Variants in MIA2 observed in about 807,000 individuals in gnomAD.
MIA2 encodes the protein MIA SH3 domain ER export factor 2, also known as melanoma inhibitory activity protein 2.
A neutral mutation model predicts 167.8 loss-of-function variants in MIA2; 127 were observed. That is an observed-to-expected ratio of 0.76 (90% CI 0.66 to 0.88). MIA2 has a LOEUF of 0.88. MIA2 is among the 40% of genes least tolerant of loss of function. The pLI, the probability that MIA2 is intolerant of heterozygous loss-of-function variation, is 0.00. For missense variants in MIA2, 1,690 were observed against 1,624.7 expected, an observed-to-expected ratio of 1.04 and a Z score of -0.69; for synonymous variants, 552 against 541.9, an observed-to-expected ratio of 1.02 and a Z score of -0.26.
Position 39,241,141 on chromosome 14 carries a change from G to A in MIA2, c.336+494G>A, listed in dbSNP as rs545680953. Among the ~76,000 whole-genome samples the A allele has an allele frequency of 2.6e-4, 40 of 152,204 alleles. 2 individuals carry two copies. Among genetic ancestry groups the A allele is most frequent in the African/African-American group, 9.6e-4 (40 of 41,534 alleles). ...AAGATAAAAGTTTATTTTCCACCAC[G>A]CTCCTTAGTCTCATATCTGTACATC... On this transcript the variant is annotated intron_variant, in intron 3 of 28. Transcript: ENST00000640607.
intron 7 of MIA2, 133 bp downstream of exon 7, chr14:39,277,198 G>GT (rs2058125361): frequency 1.7e-6 from 2 of 1,208,784 alleles, no homozygotes; most frequent in Non-Finnish European, 2.2e-6. Context: ...TTTGTTTTTT[G>GT]TTTTTTGTTT....
chr14:39,281,684 C>T (rs116352745), intron 9 of MIA2, among the ~76,000 whole-genome samples: 3,070 of 149,578 alleles, frequency 0.021, 104 homozygotes, highest in African/African-American at 0.067. Flanking sequence ...TGCAGTAGCG[C>T]GACCTCGGCT....
intron 18 of MIA2, among the ~76,000 whole-genome samples, chr14:39,311,093 A>G (rs965229400): frequency 6.6e-6 from 1 of 152,138 alleles, no homozygotes; most frequent in African/African-American, 2.4e-5. Context: ...AAGAAAAGGT[A>G]TTTTCTTTAG....
At chr14:39,283,510 A>G (rs533719373) in intron 9 of MIA2, among the ~76,000 whole-genome samples, 2 of 152,318 alleles carry the variant, frequency 1.3e-5, no homozygotes, top group African/African-American at 2.4e-5. Context: ...GACCTGCTCT[A>G]TGCCTTTCTC....
intron 9 of MIA2, among the ~76,000 whole-genome samples, chr14:39,288,548 C>T (rs1268922688): frequency 3.5e-5 from 5 of 144,748 alleles, no homozygotes; most frequent in African/African-American, 5.2e-5. Context: ...GATCTCAGCA[C>T]ACTGCAACCT....
intron 6 of MIA2, chr14:39,265,218 G>A: frequency 1.7e-6 from 1 of 585,634 alleles, no homozygotes; most frequent in East Asian, 3.1e-5. Context: ...GTTATGGGTT[G>A]GTAGTCACAA....
chr14:39,349,820 A>G (rs1381677457), intron 28 of MIA2, among the ~76,000 whole-genome samples: 1 of 152,214 alleles, frequency 6.6e-6, no homozygotes, highest in Non-Finnish European at 1.5e-5. Flanking sequence ...GATTTACAGT[A>G]AGTTTTATAT....
At chr14:39,257,070 G>A (rs539912947) in intron 6 of MIA2, among the ~76,000 whole-genome samples, 1 of 152,164 alleles carries the variant, frequency 6.6e-6, no homozygotes, top group African/African-American at 2.4e-5. Flanking sequence ...GTTGATTTGG[G>A]TTAGAGAGTT....
chr14:39,301,504 A>G (rs1566822765), intron 14 of MIA2, among the ~76,000 whole-genome samples: 1 of 152,236 alleles, frequency 6.6e-6, no homozygotes, highest in Non-Finnish European at 1.5e-5. Flanking sequence ...TGGAACTCTG[A>G]AGAGAGGGAG....
intron 7 of MIA2, among the ~76,000 whole-genome samples, chr14:39,277,437 G>A (rs1649235336): frequency 6.6e-6 from 1 of 151,436 alleles, no homozygotes; most frequent in East Asian, 2.0e-4. Flanking sequence ...GAGGTGGGAG[G>A]ATTGCCTGAT....
chr14:39,288,451 A>ATTTTTTTTT (rs1566746956), intron 9 of MIA2, among the ~76,000 whole-genome samples: 7 of 8,790 alleles, frequency 8.0e-4, no homozygotes, highest in Admixed American at 2.3e-3. Flanking sequence ...ATATATATAT[A>ATTTTTTTTT]TATATATATA....
chr14:39,376,815 T>TA (rs1176091258), intron 23 of MIA2, among the ~76,000 whole-genome samples: 1 of 152,190 alleles, frequency 6.6e-6, no homozygotes, highest in African/African-American at 2.4e-5. Flanking sequence ...GGTTGCAAGA[T>TA]AAAACCACAT....
intron 23 of MIA2, among the ~76,000 whole-genome samples, chr14:39,359,583 C>T (rs113443237): frequency 6.6e-6 from 1 of 152,160 alleles, no homozygotes; most frequent in Non-Finnish European, 1.5e-5. Context: ...CGACAATCCC[C>T]AGTGAGATGA....
At chr14:39,355,572 G>A (rs8023171), downstream of MIA2, among the ~76,000 whole-genome samples, 46,469 of 151,514 alleles carry the variant, frequency 0.31, 7,582 homozygotes, top group East Asian at 0.5. Flanking sequence ...TGCCCTGGCC[G>A]GAACTTCGAA....
At chr14:39,354,649 G>C (rs948949536), downstream of MIA2, among the ~76,000 whole-genome samples, 1 of 152,148 alleles carries the variant, frequency 6.6e-6, no homozygotes, top group Non-Finnish European at 1.5e-5. Context: ...CCTATGTCCT[G>C]AATGGTATTG....
chr14:39,264,062 A>T (rs558504719), intron 6 of MIA2, among the ~76,000 whole-genome samples: 4 of 152,304 alleles, frequency 2.6e-5, no homozygotes, highest in African/African-American at 7.2e-5. Flanking sequence ...GATAGTGAAC[A>T]TAATATTCAG....
intron 6 of MIA2, chr14:39,265,187 G>A (rs558743126): frequency 3.9e-6 from 2 of 514,094 alleles, no homozygotes; most frequent in East Asian, 3.6e-5. Flanking sequence ...ACTTAACAAC[G>A]AGTGAGGTCC....
intron 23 of MIA2, among the ~76,000 whole-genome samples, chr14:39,368,722 A>G (rs776204953): frequency 8.1e-6 from 1 of 122,872 alleles, no homozygotes; most frequent in East Asian, 2.3e-4. Context: ...ACCCATAGGT[A>G]ATTTAGTCTT....
chr14:39,364,420 T>C lies in MIA2; in HGVS notation c.2248+15443T>C, dbSNP rs148669971. Among the ~76,000 whole-genome samples, 348 of 150,966 alleles carry C rather than the reference T, an allele frequency of 2.3e-3. 1 individual carries two copies. The highest frequency in any genetic ancestry group is 7.8e-3 in the African/African-American group (323 of 41,232). ...GTATGTCTCATGTTTCTTTCTAGTT[T>C]ATTGTGGTTTGTTGGTTTTTTTTTT... On this transcript the variant is annotated intron_variant, in intron 23 of 23. Transcript: ENST00000341502.
Sources: gnomAD v4.1 joint callset for allele counts (sites outside exome capture counted in the v4.1 genomes callset) on GRCh38, gnomAD v4.1.1 for gene constraint, MANE v1.5 for transcripts, NCBI Gene and HGNC (gene_info 2026-07-23, HGNC 2026-07-21) for gene names.